The following PCDHGB7 variants were observed in gnomAD, a reference collection of about 807,000 sequenced individuals.
The protein encoded by PCDHGB7 is protocadherin gamma-B7.
Under a neutral mutation model 61.4 loss-of-function variants are expected in PCDHGB7, and 37 were observed. That is an observed-to-expected ratio of 0.60 (90% CI 0.46 to 0.79). The LOEUF (loss-of-function observed/expected upper bound fraction) is 0.79. Ranked by LOEUF, PCDHGB7 falls within the 30% of genes least tolerant of loss-of-function variation. PCDHGB7 has a pLI of 0.00. For synonymous variants in PCDHGB7, 464 were observed against 503.5 expected (o/e 0.92, Z 1.05); for missense variants, 1,166 against 1,202.5 (o/e 0.97, Z 0.45).
Position 141,491,650 on chromosome 5 carries a change from G to C in PCDHGB7, c.2416-3157G>C, listed in dbSNP as rs1283977913. On this transcript the variant is annotated intron_variant, in intron 1 of 3. Coordinates refer to ENST00000398594, the MANE Select transcript of PCDHGB7 (RefSeq NM_018927.4). The surrounding 1 kb of genome is among the most constrained non-coding windows in gnomAD (Gnocchi z 6.9). ...TCAGCAGCCCACAGCTCTGGCGCTG[G>C]AGCCTGACGCCATCCGGTCCCGCTC... The C allele has an allele frequency of 6.2e-7, 1 of 1,613,876 alleles. No individual in the cohort carries two copies. The highest frequency in any genetic ancestry group is 1.7e-5 in the Admixed American group (1 of 60,034).
At chr5:141,433,034 C>G (rs1357694242) in intron 1 of PCDHGB7, 2 of 1,614,184 alleles carry the variant, frequency 1.2e-6, no homozygotes, top group Non-Finnish European at 1.7e-6. Flanking sequence ...CGAGGTTTCC[C>G]TCACCACGGA....
At position 141,487,270 on chromosome 5, in the gene PCDHGB7, A is replaced by T. The variant is rs777469322; in HGVS notation, c.2416-7537A>T. 6.2e-7 allele frequency: 1 copy of T among 1,614,046 alleles called. No homozygotes were observed. Among genetic ancestry groups the T allele is most frequent in the South Asian group, 1.1e-5 (1 of 91,076 alleles). On this transcript the variant is annotated intron_variant, in intron 1 of 3. Transcript: ENST00000398594. The surrounding 1 kb of genome is among the most constrained non-coding windows in gnomAD (Gnocchi z 5.0). ...TCTACTTGGCTGTGTCCCTAGTGGC[A>T]ATTTGCTTTGTCTCCTTTGGCTCAT... is the stretch of plus-strand genomic sequence containing the variant.
rs112078596 is a variant in PCDHGB7, at chr5:141,490,350, G to A, written c.2416-4457G>A. ...GCACACCAGTGGGCACAGTAGTGGG[G>A]TTGTTTAATGTGCGAGACCGGGACT... On this transcript the variant is annotated intron_variant, in intron 1 of 3. Coordinates refer to ENST00000398594, the MANE Select transcript of PCDHGB7 (RefSeq NM_018927.4). The surrounding 1 kb of genome is among the most constrained non-coding windows in gnomAD (Gnocchi z 5.4). 3.5e-5 allele frequency: 57 copies of A among 1,614,086 alleles called. No homozygotes were observed. The highest frequency in any genetic ancestry group is 4.6e-5 in the Non-Finnish European group (54 of 1,180,042).
At chr5:141,430,078 T>A (rs911861599) in intron 1 of PCDHGB7, among the ~76,000 whole-genome samples, 2 of 152,282 alleles carry the variant, frequency 1.3e-5, no homozygotes, top group Admixed American at 1.3e-4. Context: ...TTCCATAATA[T>A]CATGAAAATT....
In PCDHGB7 at chr5:141,485,632, G is replaced by A. The variant is rs1335265010; in HGVS notation, c.2416-9175G>A. On this transcript the variant is annotated intron_variant, in intron 1 of 3. Transcript: ENST00000398594. This position sits in a 1 kb window ranked among gnomAD's most constrained non-coding sequence, Gnocchi z 5.7. ...CAGCTCCTCCAGGACAGCGTTTCCCGTTGGAAAAGGCTCAGGATGCAGATG... is the reference window on the plus strand; with the variant it reads ...CAGCTCCTCCAGGACAGCGTTTCCCATTGGAAAAGGCTCAGGATGCAGATG... 1.2e-6 allele frequency: 2 copies of A among 1,611,766 alleles called. No homozygotes were observed. The highest frequency in any genetic ancestry group is 1.7e-6 in the Non-Finnish European group (2 of 1,178,342).
rs1357823931 is a variant in PCDHGB7 at position 141,419,497 on chromosome 5, G to A, written c.1638G>A (p.Val546=). 6.2e-7 allele frequency: 1 copy of A among 1,612,390 alleles called. No homozygotes were observed. The highest frequency in any genetic ancestry group is 1.1e-5 in the South Asian group (1 of 90,990). Reference sequence around the variant, plus strand: ...GCTCGCCCGCGCTCAGCGCCAATGTGAGCCTGCGCGTGTTGGTGGGCGACC... The same window carrying A: ...GCTCGCCCGCGCTCAGCGCCAATGTAAGCCTGCGCGTGTTGGTGGGCGACC... The part of the protein sequence containing the change: ...DQGSPALSAN[V]SLRVLVGDRN... Residue 546 remains valine, a synonymous_variant, in exon 1 of 4, where the codon GTG becomes GTA. Transcript: ENST00000398594.
intron 3 of PCDHGB7, among the ~76,000 whole-genome samples, chr5:141,510,373 T>TC (rs112437269): frequency 0.25 from 37,727 of 151,394 alleles, 4,765 homozygotes; most frequent in Admixed American, 0.33. Context: ...GAATCTCTAC[T>TC]CGTGCCAGGC....
chr5:141,467,055 CTTTT>C (rs1193465269), intron 1 of PCDHGB7, among the ~76,000 whole-genome samples: 5 of 134,484 alleles, frequency 3.7e-5, no homozygotes, highest in Non-Finnish European at 4.9e-5. Context: ...TCAATGTTTT[CTTTT>C]TTTTTTTTTT....
chr5:141,470,358 A>G (rs1263824284), intron 1 of PCDHGB7, among the ~76,000 whole-genome samples: 2 of 152,174 alleles, frequency 1.3e-5, no homozygotes, highest in African/African-American at 4.8e-5. Context: ...AAATAGACAC[A>G]TTAGGTTGAA....
In PCDHGB7 at chr5:141,486,709, C is replaced by G. The variant is rs1485764871; in HGVS notation, c.2416-8098C>G. ...CTTCCTCTTTCATCTCTCTGAACCC[C>G]CAGACAGGAGCTGTTCATGCTACTC... On this transcript the variant is annotated intron_variant, in intron 1 of 3. Coordinates refer to ENST00000398594, the MANE Select transcript of PCDHGB7 (RefSeq NM_018927.4). The surrounding 1 kb of genome is among the most constrained non-coding windows in gnomAD (Gnocchi z 5.0). 1 of 1,614,182 alleles carries G rather than the reference C, an allele frequency of 6.2e-7. No individual in the cohort carries two copies. Among genetic ancestry groups the G allele is most frequent in the Middle Eastern group, 1.6e-4 (1 of 6,062 alleles).
intron 1 of PCDHGB7, chr5:141,423,110 G>C: frequency 6.2e-7 from 1 of 1,613,842 alleles, no homozygotes; most frequent in Non-Finnish European, 8.5e-7. Context: ...GGCGAGGTGC[G>C]TACAGCGCGG....
intron 1 of PCDHGB7, chr5:141,428,368 C>A (rs1403173774): frequency 1.3e-5 from 7 of 544,884 alleles, no homozygotes; most frequent in Non-Finnish European, 2.4e-5. Flanking sequence ...GGTCGCCTTG[C>A]ACCTGCGATG....
At chr5:141,441,852 G>A in intron 1 of PCDHGB7, 1 of 352,826 alleles carries the variant, frequency 2.8e-6, no homozygotes, top group South Asian at 2.4e-5. Flanking sequence ...TGGATATGGT[G>A]CTGCACGCCG....
intron 1 of PCDHGB7, among the ~76,000 whole-genome samples, chr5:141,451,106 G>A (rs1204327490): frequency 1.3e-5 from 2 of 152,164 alleles, no homozygotes; most frequent in African/African-American, 4.8e-5. Context: ...GGGATTACAG[G>A]CGTGAGCCAC....
In PCDHGB7 at chr5:141,476,466, A is replaced by C. The variant is rs771760524; in HGVS notation, c.2416-18341A>C. The C allele has an allele frequency of 6.2e-7, 1 of 1,613,996 alleles. No individual in the cohort carries two copies. Reference sequence around the variant, plus strand: ...GAGTTGGTAGTGGAGAACCCGCTGGAGCTGTTCAGCGTGGAAGTGGTGATC... The same window carrying C: ...GAGTTGGTAGTGGAGAACCCGCTGGCGCTGTTCAGCGTGGAAGTGGTGATC... On this transcript the variant is annotated intron_variant, in intron 1 of 3. Transcript: ENST00000398594. This position sits in a 1 kb window ranked among gnomAD's most constrained non-coding sequence, Gnocchi z 7.6.
intron 1 of PCDHGB7, chr5:141,433,042 G>A (rs752612411): frequency 6.2e-6 from 10 of 1,614,142 alleles, no homozygotes; most frequent in Non-Finnish European, 7.6e-6. Flanking sequence ...CCCTCACCAC[G>A]GACTCGCGGA....
rs1317150359 is a variant in PCDHGB7 at position 141,420,381 on chromosome 5, G to A, written c.2415+107G>A. On this transcript the variant is annotated intron_variant, in intron 1 of 3. Transcript: ENST00000398594. ...TCTAGATAACTTCTTCATAGAGTTC[G>A]CAAAATATAGGTCAAATTTATGGTT... The A allele has an allele frequency of 1.1e-5, 14 of 1,298,362 alleles. No homozygotes were observed. In the Admixed American group the frequency reaches 1.3e-4, roughly 13 times the overall value. The allele number at this position is 1,298,362 out of a possible 1,614,324, so 80.4% of individuals were successfully genotyped here.
Position 141,491,900 on chromosome 5 carries a change from G to A in PCDHGB7, c.2416-2907G>A, listed in dbSNP as rs1268804496. 7.0e-7 allele frequency: 1 copy of A among 1,429,818 alleles called. No individual in the cohort carries two copies. Among genetic ancestry groups the A allele is most frequent in the East Asian group, 2.5e-5 (1 of 39,444 alleles). The allele number at this position is 1,429,818 out of a possible 1,614,324, so 88.6% of individuals were successfully genotyped here. A position where few individuals can be genotyped will look rare whatever the true frequency, so the allele number is the denominator to read the frequency against. ...TAAGGGATGGGGCTCCGAGCACCGGGGGTGGTGGCGACTGTGGGCGAGGGG... is the reference window on the plus strand; with the variant it reads ...TAAGGGATGGGGCTCCGAGCACCGGAGGTGGTGGCGACTGTGGGCGAGGGG... On this transcript the variant is annotated intron_variant, in intron 1 of 3. Coordinates refer to ENST00000398594, the MANE Select transcript of PCDHGB7 (RefSeq NM_018927.4). This position sits in a 1 kb window ranked among gnomAD's most constrained non-coding sequence, Gnocchi z 6.9.
At chr5:141,509,275 G>A (rs185255724) in intron 3 of PCDHGB7, among the ~76,000 whole-genome samples, 1 of 152,096 alleles carries the variant, frequency 6.6e-6, no homozygotes, top group East Asian at 1.9e-4. Flanking sequence ...CTCGCTACCC[G>A]CTCCCAGGGT....
Sources: allele counts gnomAD v4.1 joint callset (sites outside exome capture counted in the v4.1 genomes callset), GRCh38; gene constraint gnomAD v4.1.1; non-coding constraint Gnocchi (gnomAD v3.1); transcripts MANE v1.5; gene names NCBI Gene and HGNC (gene_info 2026-07-23, HGNC 2026-07-21).